Variants in CCDC192 observed in about 807,000 individuals in gnomAD.
CCDC192 encodes the protein coiled-coil domain-containing protein 192.
intron 3 of CCDC192, among the ~76,000 whole-genome samples, chr5:127,781,751 G>A (rs1756238504): frequency 6.6e-6 from 1 of 151,976 alleles, no homozygotes; most frequent in Non-Finnish European, 1.5e-5. Flanking sequence ...TGTCTTTAGG[G>A]TTTTCAAGGT....
chr5:127,802,448 C>T (rs970117638), intron 5 of CCDC192, among the ~76,000 whole-genome samples: 8 of 152,140 alleles, frequency 5.3e-5, no homozygotes, highest in Non-Finnish European at 4.4e-5. Context: ...TCTGCGACCC[C>T]CAAGTGCACC....
At chr5:127,703,140 C>T (rs1750774968), upstream of CCDC192, among the ~76,000 whole-genome samples, 1 of 152,126 alleles carries the variant, frequency 6.6e-6, no homozygotes, top group Non-Finnish European at 1.5e-5. Context: ...TGTAAACATG[C>T]CTTGGTTTGA....
At chr5:127,872,442 G>A (rs1470836493) in intron 5 of CCDC192, among the ~76,000 whole-genome samples, 2 of 152,170 alleles carry the variant, frequency 1.3e-5, no homozygotes, top group African/African-American at 2.4e-5. Context: ...GGCTTTGAGG[G>A]CTGAGATGTC....
At chr5:127,753,496 G>A (rs1754367004) in intron 2 of CCDC192, among the ~76,000 whole-genome samples, 1 of 152,060 alleles carries the variant, frequency 6.6e-6, no homozygotes, top group Admixed American at 6.6e-5. Context: ...AGGATTTCAA[G>A]ACTAGCCTGG....
At chr5:127,759,140 C>T (rs1754772787) in intron 3 of CCDC192, among the ~76,000 whole-genome samples, 1 of 152,130 alleles carries the variant, frequency 6.6e-6, no homozygotes, top group Non-Finnish European at 1.5e-5. Context: ...ACTTTGTCTC[C>T]CCAGCTACAG....
intron 5 of CCDC192, among the ~76,000 whole-genome samples, chr5:127,847,640 T>C (rs1750615480): frequency 6.6e-6 from 1 of 151,850 alleles, no homozygotes; most frequent in Non-Finnish European, 1.5e-5. Context: ...CTGACCAACA[T>C]GGTGAAACTC....
chr5:127,745,373 G>A (rs895580872), intron 2 of CCDC192, among the ~76,000 whole-genome samples: 1 of 152,146 alleles, frequency 6.6e-6, no homozygotes, highest in Non-Finnish European at 1.5e-5. Context: ...ATTATCCAAT[G>A]AGAAACCTTT....
chr5:127,893,002 C>A (rs977886257), intron 6 of CCDC192, among the ~76,000 whole-genome samples: 1 of 152,122 alleles, frequency 6.6e-6, no homozygotes, highest in African/African-American at 2.4e-5. Flanking sequence ...CAGCCAGGAT[C>A]GGAGATATCT....
At chr5:127,905,220 G>A (rs994404987) in intron 6 of CCDC192, among the ~76,000 whole-genome samples, 1 of 152,088 alleles carries the variant, frequency 6.6e-6, no homozygotes, top group African/African-American at 2.4e-5. Flanking sequence ...GGCTACCTCA[G>A]GAGACAAAAG....
chr5:127,875,688 C>T, intron 6 of CCDC192, 27 bp downstream of exon 6: 1 of 398,668 alleles, frequency 2.5e-6, no homozygotes, highest in East Asian at 3.6e-5. Context: ...GACAGATCCA[C>T]ACTGGCCCGT....
intron 5 of CCDC192, among the ~76,000 whole-genome samples, chr5:127,812,915 G>A (rs1298318069): frequency 6.6e-6 from 1 of 152,170 alleles, no homozygotes; most frequent in African/African-American, 2.4e-5. Context: ...CAGCTTCCTG[G>A]AGAATGCCCT....
At chr5:127,901,285 A>C (rs1342090035) in intron 6 of CCDC192, among the ~76,000 whole-genome samples, 1 of 152,228 alleles carries the variant, frequency 6.6e-6, no homozygotes, top group Non-Finnish European at 1.5e-5. Flanking sequence ...ATCTTAAAAA[A>C]ATTATTCCTA....
chr5:127,912,021 A>G (rs1446549809), intron 6 of CCDC192, among the ~76,000 whole-genome samples: 3 of 151,814 alleles, frequency 2.0e-5, no homozygotes, highest in African/African-American at 4.8e-5. Flanking sequence ...TCCCAGGTTC[A>G]AGCAGTTCTC....
At chr5:127,883,923 A>G (rs1458921291) in intron 6 of CCDC192, among the ~76,000 whole-genome samples, 1 of 152,154 alleles carries the variant, frequency 6.6e-6, no homozygotes, top group Non-Finnish European at 1.5e-5. Flanking sequence ...CGGGCTTTCT[A>G]GACTCCTCCG....
chr5:127,941,094 G>T (rs957839133), intron 6 of CCDC192, 88 bp from the exon 7 acceptor site: 2 of 398,074 alleles, frequency 5.0e-6, no homozygotes, highest in African/African-American at 4.1e-5. Context: ...AAGAACGTGA[G>T]AAATGAAGCT....
intron 6 of CCDC192, among the ~76,000 whole-genome samples, chr5:127,927,526 A>AG (rs897100178): frequency 1.3e-5 from 2 of 152,206 alleles, no homozygotes; most frequent in African/African-American, 4.8e-5. Context: ...AGGCAAGAAG[A>AG]GTGACAGAGT....
chr5:127,707,352 C>G (rs1751028044), intron 1 of CCDC192, among the ~76,000 whole-genome samples: 1 of 150,512 alleles, frequency 6.6e-6, no homozygotes, highest in African/African-American at 2.4e-5. Flanking sequence ...GTGTAGGAGA[C>G]AAAGAATTCT....
chr5:127,868,095 T>C (rs889882379), intron 5 of CCDC192, among the ~76,000 whole-genome samples: 4 of 151,660 alleles, frequency 2.6e-5, no homozygotes, highest in Non-Finnish European at 4.4e-5. Flanking sequence ...TGTCTATGTA[T>C]ACTACATAAA....
At chr5:127,902,535 C>T (rs2127167955) in intron 6 of CCDC192, among the ~76,000 whole-genome samples, 1 of 152,294 alleles carries the variant, frequency 6.6e-6, no homozygotes, top group Middle Eastern at 3.4e-3. Flanking sequence ...CCGGTTTTCA[C>T]ATACCTCCTA....
Sources: allele counts gnomAD v4.1 joint callset (sites outside exome capture counted in the v4.1 genomes callset), GRCh38; gene constraint gnomAD v4.1.1; transcripts MANE v1.5; gene names NCBI Gene and HGNC (gene_info 2026-07-23, HGNC 2026-07-21).